CXADR: variants seen among roughly 807,000 people sequenced by gnomAD.
CXADR encodes CXADR cell adhesion molecule, also known as coxsackievirus and adenovirus receptor.
A neutral mutation model predicts 40.3 loss-of-function variants in CXADR; 20 were observed. That is an observed-to-expected ratio of 0.50 (90% CI 0.35 to 0.72). The LOEUF is 0.72. CXADR is among the 30% of genes least tolerant of loss of function. CXADR has a pLI of 0.01. For synonymous variants in CXADR, 150 were observed against 161.3 expected (o/e 0.93, Z 0.53); for missense variants, 332 against 449.1 (o/e 0.74, Z 2.36).
chr21:17,627,691 T>C, the CXADR span, among the ~76,000 whole-genome samples: 1 of 152,182 alleles, frequency 6.6e-6, no homozygotes. Flanking sequence ...ATTAGAGAGC[T>C]GCTAAAAATT....
rs1830128723 is a variant in CXADR, at chr21:17,534,096, A to AT, written c.44-12930dup. 1.5e-3 allele frequency among the ~76,000 whole-genome samples: 139 copies of AT among 91,888 alleles called. 6 individuals carry two copies. Among genetic ancestry groups the AT allele is most frequent in the African/African-American group, 6.8e-3 (132 of 19,514 alleles). The allele number at this position is 91,888 out of a possible 152,430, so 60.3% of individuals were successfully genotyped here. On this transcript the variant is annotated intron_variant, in intron 1 of 6. Coordinates refer to ENST00000284878, the MANE Select transcript of CXADR (RefSeq NM_001338.5). ...CACACACACACATATATATATATAT[A>AT]TATATTTTTTTTTTTTTTTTTTTTT... is the stretch of plus-strand genomic sequence containing the variant.
At chr21:17,533,560 T>C (rs987484808) in intron 1 of CXADR, among the ~76,000 whole-genome samples, 10 of 152,228 alleles carry the variant, frequency 6.6e-5, no homozygotes, top group Admixed American at 6.5e-5. Context: ...TCAGTGTGTT[T>C]GTTTCTTCAT....
At chr21:17,603,156 A>G in the CXADR span, among the ~76,000 whole-genome samples, 9 of 152,226 alleles carry the variant, frequency 5.9e-5, no homozygotes, top group African/African-American at 2.2e-4. Context: ...AGGTCAAATT[A>G]AAAAGTAAAC....
At chr21:17,551,054 T>G (rs2060960551) in intron 2 of CXADR, among the ~76,000 whole-genome samples, 1 of 152,164 alleles carries the variant, frequency 6.6e-6, no homozygotes, top group South Asian at 2.1e-4. Flanking sequence ...TTGATTTTGT[T>G]ACACTTGGTT....
intron 4 of CXADR, 77 bp from the exon 5 acceptor site, chr21:17,560,625 G>A: frequency 1.4e-6 from 2 of 1,412,802 alleles, no homozygotes; most frequent in East Asian, 2.4e-5. Flanking sequence ...TTAATTTGGA[G>A]AGGACTATGT....
chr21:17,517,058 T>C (rs566850496), intron 1 of CXADR, among the ~76,000 whole-genome samples: 5 of 152,208 alleles, frequency 3.3e-5, no homozygotes, highest in African/African-American at 1.2e-4. Flanking sequence ...AATATATTAT[T>C]GGTCTTGCAT....
At position 17,568,376 on chromosome 21, in the gene CXADR, C is replaced by T. The variant is rs1277184381; in HGVS notation, c.*2684C>T. On this transcript the variant is annotated 3_prime_UTR_variant, in exon 7 of 7. Coordinates refer to ENST00000284878, the MANE Select transcript of CXADR (RefSeq NM_001338.5). ...ATCTCCTGACCTCGTGATCTGCCTG[C>T]CTCGGCCTCCCAAAGTGCTGGGATT... The T allele has an allele frequency of 3.2e-6, 3 of 934,850 alleles. No homozygotes were observed. The highest frequency in any genetic ancestry group is 1.8e-5 in the African/African-American group (1 of 55,848). The allele number at this position is 934,850 out of a possible 1,614,324, so 57.9% of individuals were successfully genotyped here. A position where few individuals can be genotyped will look rare whatever the true frequency, so the allele number is the denominator to read the frequency against.
the CXADR span, among the ~76,000 whole-genome samples, chr21:17,600,930 A>G: frequency 3.9e-5 from 6 of 152,118 alleles, no homozygotes; most frequent in East Asian, 5.8e-4. Context: ...TTGGGAGGCC[A>G]AGGCGGGTGG....
the CXADR span, chr21:17,613,797 A>C: frequency 9.9e-5 from 15 of 152,244 alleles, no homozygotes; most frequent in Non-Finnish European, 1.6e-4. Flanking sequence ...TAGTTTTGTG[A>C]AAGCACTTTA....
chr21:17,626,879 C>T, the CXADR span: 1 of 152,272 alleles, frequency 6.6e-6, no homozygotes, highest in South Asian at 2.1e-4. Flanking sequence ...TTGTTTTCCC[C>T]CATTATCATA....
At chr21:17,518,493 A>G (rs547596368) in intron 1 of CXADR, 76 of 820,356 alleles carry the variant, frequency 9.3e-5, no homozygotes, top group South Asian at 7.2e-4. Flanking sequence ...GATTTGTTCA[A>G]TCTAGTCCAT....
the CXADR span, chr21:17,612,996 C>G: frequency 2.0e-5 from 3 of 151,912 alleles, no homozygotes; most frequent in Non-Finnish European, 4.4e-5. Flanking sequence ...GGGATCGGCT[C>G]GCGCGCCTGA....
intron 1 of CXADR, among the ~76,000 whole-genome samples, chr21:17,528,065 T>C (rs2123149361): frequency 7.8e-6 from 1 of 129,022 alleles, no homozygotes; most frequent in African/African-American, 2.9e-5. Context: ...TGCTTAGTTC[T>C]TTCTTTTTTT....
Position 17,567,725 on chromosome 21 carries a change from A to T in CXADR, c.*2033A>T. The T allele has an allele frequency of 2.4e-6, 2 of 847,456 alleles. No individual in the cohort carries two copies. The highest frequency in any genetic ancestry group is 1.8e-5 in the African/African-American group (1 of 54,896). The allele number at this position is 847,456 out of a possible 1,614,324, so 52.5% of individuals were successfully genotyped here. A position where few individuals can be genotyped will look rare whatever the true frequency, so the allele number is the denominator to read the frequency against. On this transcript the variant is annotated 3_prime_UTR_variant, in exon 7 of 7. Coordinates refer to ENST00000284878, the MANE Select transcript of CXADR (RefSeq NM_001338.5). ...ATAAAGTTTATTTATAAAATATTATAAAAAATAAGTAAATAAACAGAACAT... is the reference window on the plus strand; with the variant it reads ...ATAAAGTTTATTTATAAAATATTATTAAAAATAAGTAAATAAACAGAACAT...
At chr21:17,592,282 A>G (rs746208315) in intron 7 of CXADR, among the ~76,000 whole-genome samples, 53 of 151,970 alleles carry the variant, frequency 3.5e-4, no homozygotes, top group Admixed American at 1.1e-3. Context: ...CTGGATACCA[A>G]AATCCTCAGA....
intron 4 of CXADR, among the ~76,000 whole-genome samples, chr21:17,560,360 T>A (rs912074421): frequency 1.3e-5 from 2 of 152,200 alleles, no homozygotes; most frequent in African/African-American, 4.8e-5. Context: ...TTGTATGTTT[T>A]CCTGCTGCAG....
At chr21:17,627,792 G>C in the CXADR span, among the ~76,000 whole-genome samples, 1 of 152,150 alleles carries the variant, frequency 6.6e-6, no homozygotes, top group Non-Finnish European at 1.5e-5. Flanking sequence ...CCAGTGAGAT[G>C]CCAGATTAGG....
At chr21:17,630,314 G>A in the CXADR span, among the ~76,000 whole-genome samples, 2 of 152,286 alleles carry the variant, frequency 1.3e-5, no homozygotes, top group Middle Eastern at 3.4e-3. Context: ...TACCAAGATT[G>A]TGTCACACTT....
the CXADR span, among the ~76,000 whole-genome samples, chr21:17,624,269 C>T: frequency 9.2e-5 from 14 of 152,164 alleles, no homozygotes; most frequent in African/African-American, 3.4e-4. Context: ...CAACAAATGA[C>T]CACAAATTGC....
Sources: allele counts gnomAD v4.1 joint callset (sites outside exome capture counted in the v4.1 genomes callset), GRCh38; gene constraint gnomAD v4.1.1; transcripts MANE v1.5; gene names NCBI Gene and HGNC (gene_info 2026-07-23, HGNC 2026-07-21).